Variants in MORC2 observed in about 807,000 individuals in gnomAD.
MORC2 encodes the protein ATPase MORC2.
MORC2 carries 30 observed loss-of-function variants against 136.0 expected under a neutral mutation model. The ratio of observed to expected loss-of-function variants is 0.22; its 90% CI spans 0.17 to 0.30. The LOEUF is 0.30. Ranked by LOEUF, MORC2 falls within the 10% of genes least tolerant of loss-of-function variation. The probability of loss-of-function intolerance (pLI) is 1.00; values close to 1 mark genes in which losing one functional copy is unlikely to be tolerated. For synonymous variants in MORC2, 439 were observed against 487.0 expected (o/e 0.90, Z 1.30); for missense variants, 922 against 1,333.1 (o/e 0.69, Z 4.80).
At chr22:30,966,167 G>A (rs577132646) in intron 1 of MORC2, among the ~76,000 whole-genome samples, 26 of 152,292 alleles carry the variant, frequency 1.7e-4, no homozygotes, top group Non-Finnish European at 3.4e-4. Flanking sequence ...TAAAGTCTTT[G>A]GTGAAGCTGG....
chr22:30,950,353 C>CCCAACAAAAAAAAAAAA, intron 4 of MORC2, 24 bp downstream of exon 4: 1 of 1,481,962 alleles, frequency 6.7e-7, no homozygotes, highest in Non-Finnish European at 9.4e-7. Flanking sequence ...CCCCACCCCC[C>CCCAACAAAAAAAAAAAA]AAAACAATAA....
intron 4 of MORC2, 51 bp from the exon 5 acceptor site, chr22:30,949,893 G>C: frequency 6.5e-7 from 1 of 1,547,872 alleles, no homozygotes; most frequent in Non-Finnish European, 8.9e-7. Flanking sequence ...TCTTTCCCAG[G>C]GTCCTCAAAG....
chr22:30,965,172 C>T (rs2041108458), intron 1 of MORC2, among the ~76,000 whole-genome samples: 1 of 152,338 alleles, frequency 6.6e-6, no homozygotes, highest in Admixed American at 6.5e-5. Flanking sequence ...GTCACTGCTT[C>T]TAAGTCTACA....
chr22:30,926,715 G>A lies in MORC2; in HGVS notation c.*88C>T, dbSNP rs193136448. On this transcript the variant is annotated 3_prime_UTR_variant, in exon 26 of 26. Transcript: ENST00000397641. ...TCCCGTGTAAGTCAAACCAAGGTGC[G>A]ACCACCAACCCATGAATGAAGTCCC... The A allele has an allele frequency of 2.9e-3, 3,101 of 1,062,608 alleles. 10 individuals carry two copies. The highest frequency in any genetic ancestry group is 3.1e-3 in the Non-Finnish European group (2,228 of 719,128). 65.8% of individuals were successfully genotyped at this position (1,062,608 alleles called of 1,614,324 possible). A position where few individuals can be genotyped will look rare whatever the true frequency, so the allele number is the denominator to read the frequency against.
At chr22:30,950,040 A>G (rs566119358) in intron 4 of MORC2, among the ~76,000 whole-genome samples, 198 bp from the exon 5 acceptor site, 1 of 152,302 alleles carries the variant, frequency 6.6e-6, no homozygotes, top group African/African-American at 2.4e-5. Flanking sequence ...ACTGTGACCT[A>G]TGTTCTATTC....
intron 5 of MORC2, among the ~76,000 whole-genome samples, chr22:30,949,371 G>GGGAACA (rs1252285667): frequency 1.3e-5 from 2 of 152,182 alleles, no homozygotes; most frequent in African/African-American, 4.8e-5. Flanking sequence ...CAGGTGCTCA[G>GGGAACA]GGAACACTGC....
Position 30,934,164 on chromosome 22 carries a change from C to T in MORC2, c.2221G>A (p.Ala741Thr), listed in dbSNP as rs774264562. ...TCAACTTCTTCCTCATCAGAAACTGCGACACTCCGCTTCCGACTAGGGGTA... is the reference window on the plus strand; with the variant it reads ...TCAACTTCTTCCTCATCAGAAACTGTGACACTCCGCTTCCGACTAGGGGTA... ...PATPSRKRSV[A>T]VSDEEEVEEE... Residue 741 changes from alanine (A) to threonine (T), a missense_variant, in exon 20 of 26, where the codon GCA (alanine) becomes ACA (threonine). Around this residue, in one of 9 missense-constraint regions of MORC2, gnomAD observed 263 missense variants for 388.3 expected, o/e 0.68. Coordinates refer to ENST00000397641, the MANE Select transcript of MORC2 (RefSeq NM_001303256.3). This position sits in a 1 kb window ranked among gnomAD's most constrained non-coding sequence, Gnocchi z 4.4. 38 of 1,614,018 alleles carry T rather than the reference C, an allele frequency of 2.4e-5. No homozygotes were observed. The highest frequency in any genetic ancestry group is 4.5e-5 in the East Asian group (2 of 44,898).
At chr22:30,967,549 T>C in intron 1 of MORC2, 2 of 1,256,336 alleles carry the variant, frequency 1.6e-6, no homozygotes, top group Non-Finnish European at 2.0e-6. Flanking sequence ...AACACTTGAA[T>C]GAAACAACTC....
intron 16 of MORC2, 47 bp downstream of exon 16, chr22:30,936,885 C>G: frequency 6.5e-7 from 1 of 1,534,700 alleles, no homozygotes; most frequent in South Asian, 1.1e-5. Context: ...CAGTGAGGGG[C>G]AGGGGAGAAA....
In MORC2 at chr22:30,939,730, G is replaced by T. The variant is rs565203348; in HGVS notation, c.988-24C>A. The stretch of plus-strand genomic sequence containing the variant: ...ACCTGCACACATTGACATCAGGTGA[G>T]GGGAGGTGGCACTCTAGGCCACAGC... On this transcript the variant is annotated intron_variant, in intron 11 of 25. Transcript: ENST00000397641. 6.2e-5 allele frequency: 100 copies of T among 1,607,744 alleles called. 1 individual carries two copies. Among genetic ancestry groups the T allele is most frequent in the South Asian group, 5.8e-4 (53 of 90,738 alleles).
intron 10 of MORC2, 30 bp downstream of exon 10, chr22:30,940,728 C>T (rs1276331222): frequency 1.9e-6 from 3 of 1,603,362 alleles, no homozygotes; most frequent in Non-Finnish European, 2.6e-6. Context: ...ATGCACACCC[C>T]CCCAACTCCT....
chr22:30,964,489 G>A (rs911341505), intron 1 of MORC2, among the ~76,000 whole-genome samples: 4 of 152,138 alleles, frequency 2.6e-5, no homozygotes, highest in African/African-American at 9.7e-5. Context: ...AGACCACTTA[G>A]CAGTACTGCA....
chr22:30,965,382 C>T (rs2041113333), intron 1 of MORC2, among the ~76,000 whole-genome samples: 1 of 152,162 alleles, frequency 6.6e-6, no homozygotes, highest in Non-Finnish European at 1.5e-5. Flanking sequence ...AGCTACAAGT[C>T]ACATCATGTG....
chr22:30,942,996 C>T (rs906812771), intron 6 of MORC2, among the ~76,000 whole-genome samples: 9 of 152,094 alleles, frequency 5.9e-5, no homozygotes, highest in African/African-American at 7.2e-5. Context: ...CAGAGCAAGA[C>T]TCCATCTCAA....
intron 16 of MORC2, 138 bp from the exon 17 acceptor site, chr22:30,936,781 A>G: frequency 7.8e-7 from 1 of 1,286,800 alleles, no homozygotes; most frequent in East Asian, 2.3e-5. Flanking sequence ...TTAATCTTAT[A>G]CACTGCAGGA....
rs1215360745 is a variant in MORC2, at chr22:30,933,144, G to A, written c.2381-114C>T. The stretch of plus-strand genomic sequence containing the variant: ...GTTTGGAGGACAGGAACACTTAGGT[G>A]CTTGCCCCCACTACACCAGGGACAC... On this transcript the variant is annotated intron_variant, in intron 21 of 25. Transcript: ENST00000397641. 7 of 1,445,468 alleles carry A rather than the reference G, an allele frequency of 4.8e-6. No homozygotes were observed. The East Asian group carries it at 1.6e-4, about 33-fold the overall frequency. 89.5% of individuals were successfully genotyped at this position (1,445,468 alleles called of 1,614,324 possible). A position where few individuals can be genotyped will look rare whatever the true frequency, so the allele number is the denominator to read the frequency against.
chr22:30,935,788 A>G (rs1277459832), intron 17 of MORC2, among the ~76,000 whole-genome samples: 1 of 152,244 alleles, frequency 6.6e-6, no homozygotes, highest in Non-Finnish European at 1.5e-5. Flanking sequence ...AGAAAAAAAC[A>G]TAGAAAAAAT....
At chr22:30,949,233 T>C (rs539011548) in intron 5 of MORC2, among the ~76,000 whole-genome samples, 27 of 152,338 alleles carry the variant, frequency 1.8e-4, no homozygotes, top group African/African-American at 6.0e-4. Flanking sequence ...CCCATGGGAT[T>C]TGAAGACATT....
chr22:30,927,932 A>G (rs148837277), intron 25 of MORC2, 87 bp downstream of exon 25: 15,233 of 1,503,466 alleles, frequency 0.01, 92 homozygotes, highest in Middle Eastern at 0.012. Context: ...GAGTGGATAG[A>G]TTCTTGTGAG....
Sources: gnomAD v4.1 joint callset for allele counts (sites outside exome capture counted in the v4.1 genomes callset) on GRCh38, gnomAD v4.1.1 for gene constraint, gnomAD v4.1.1 regional missense constraint, Gnocchi (gnomAD v3.1) non-coding constraint, MANE v1.5 for transcripts, NCBI Gene and HGNC (gene_info 2026-07-23, HGNC 2026-07-21) for gene names.